SIPA1L2: variants seen among roughly 807,000 people sequenced by gnomAD.
SIPA1L2 encodes the protein signal-induced proliferation-associated 1-like protein 2.
Under a neutral mutation model 163.9 loss-of-function variants are expected in SIPA1L2, and 56 were observed. The ratio of observed to expected loss-of-function variants is 0.34; its 90% CI spans 0.28 to 0.43. SIPA1L2 has a LOEUF of 0.43. Among genes scored for constraint, SIPA1L2 ranks in the 20% least tolerant of loss-of-function variants. SIPA1L2 has a pLI of 1.00. For synonymous variants in SIPA1L2, 877 were observed against 865.7 expected, an observed-to-expected ratio of 1.01 and a Z score of -0.23; for missense variants, 1,974 against 2,193.5, an observed-to-expected ratio of 0.90 and a Z score of 2.00.
chr1:232,421,229 C>G (rs372851245), intron 18 of SIPA1L2, among the ~76,000 whole-genome samples: 15 of 152,222 alleles, frequency 9.9e-5, no homozygotes, highest in African/African-American at 3.6e-4. Context: ...GCATACGGAC[C>G]TAAGTCAGCC....
chr1:232,505,520 T>A (rs1666686579), intron 3 of SIPA1L2, among the ~76,000 whole-genome samples: 1 of 152,222 alleles, frequency 6.6e-6, no homozygotes, highest in Non-Finnish European at 1.5e-5. Context: ...GAAGACTTTT[T>A]GGGGCCAGAG....
chr1:232,415,411 G>T, intron 19 of SIPA1L2, 83 bp downstream of exon 19: 2 of 1,455,074 alleles, frequency 1.4e-6, no homozygotes, highest in South Asian at 1.5e-5. Flanking sequence ...GGAGACAGAC[G>T]GGCTCCCCTA....
chr1:232,464,991 T>C lies in SIPA1L2; in HGVS notation c.2669A>G (p.Asn890Ser), dbSNP rs989442725. The change falls in exon 9 of 23, where the codon AAT becomes AGT. Residue 890 changes from asparagine to serine, a missense_variant. Around this residue, in one of 3 missense-constraint regions of SIPA1L2, gnomAD observed 1,079 missense variants for 1,150.7 expected, o/e 0.94. Transcript: ENST00000674635. ...CCTGCAGGAACAGTTGAATACAACATTCTTGGAATCCTTTTCAATCAACAT... is the reference window on the plus strand; with the variant it reads ...CCTGCAGGAACAGTTGAATACAACACTCTTGGAATCCTTTTCAATCAACAT... Reference protein sequence around the residue: ...FIMLIEKDSKNVVFNCSCRDV... With the variant: ...FIMLIEKDSKSVVFNCSCRDV... 2 of 1,614,198 alleles carry C rather than the reference T, an allele frequency of 1.2e-6. No homozygotes were observed. Among genetic ancestry groups the C allele is most frequent in the Non-Finnish European group, 1.7e-6 (2 of 1,180,048 alleles).
Position 232,420,458 on chromosome 1 carries a change from C to T in SIPA1L2, c.4631-4833G>A, listed in dbSNP as rs770283461. Among the ~76,000 whole-genome samples, 120 of 152,172 alleles carry T rather than the reference C, an allele frequency of 7.9e-4. 1 individual carries two copies. Among genetic ancestry groups the T allele is most frequent in the Non-Finnish European group, 1.6e-3 (106 of 68,038 alleles). On this transcript the variant is annotated intron_variant, in intron 18 of 22. Coordinates refer to ENST00000674635, the MANE Select transcript of SIPA1L2 (RefSeq NM_020808.5). ...TTGTACGGTTTTATACGAAAGGCAT[C>T]ATTTGCCTCAGGTATCAAAGCCTGT... is the stretch of plus-strand genomic sequence containing the variant.
rs1440064651 is a variant in SIPA1L2, at chr1:232,398,164, A to G, written c.*963T>C. 6.6e-6 allele frequency: 1 copy of G among 152,592 alleles called. No individual in the cohort carries two copies. Among genetic ancestry groups the G allele is most frequent in the Non-Finnish European group, 1.5e-5 (1 of 68,038 alleles). The allele number at this position is 152,592 out of a possible 1,614,324, so 9.5% of individuals were successfully genotyped here. On this transcript the variant is annotated 3_prime_UTR_variant, in exon 23 of 23. Coordinates refer to ENST00000674635, the MANE Select transcript of SIPA1L2 (RefSeq NM_020808.5). ...GAGCCTGCAGCTACCTCCATCCCTC[A>G]TCGTAGTGCAGGCCAAACCAAATTT...
intron 13 of SIPA1L2, 136 bp downstream of exon 13, chr1:232,441,632 A>G: frequency 1.2e-6 from 1 of 804,600 alleles, no homozygotes. Flanking sequence ...CTGCATCTGG[A>G]GACCCAGCTG....
Position 232,439,145 on chromosome 1 carries a change from T to G in SIPA1L2, c.3994A>C (p.Ser1332Arg). 1 of 1,612,550 alleles carries G rather than the reference T, an allele frequency of 6.2e-7. No homozygotes were observed. Among genetic ancestry groups the G allele is most frequent in the Non-Finnish European group, 8.5e-7 (1 of 1,179,398 alleles). The change falls in exon 15 of 23, where the codon AGC becomes CGC. Residue 1332 changes from serine to arginine, a missense_variant. Around this residue, in one of 3 missense-constraint regions of SIPA1L2, gnomAD observed 1,079 missense variants for 1,150.7 expected, o/e 0.94. Coordinates refer to ENST00000674635, the MANE Select transcript of SIPA1L2 (RefSeq NM_020808.5). ...GATATCTCACTGAGATCGCCCATGCTGCCTTCCGCAGCACTGCCGGCGGAG... is the reference window on the plus strand; with the variant it reads ...GATATCTCACTGAGATCGCCCATGCGGCCTTCCGCAGCACTGCCGGCGGAG... The part of the protein sequence containing the change: ...TISAGSAAEG[S>R]MGDLSEISSH...
intron 2 of SIPA1L2, among the ~76,000 whole-genome samples, chr1:232,551,296 C>T (rs1658366022): frequency 6.6e-6 from 1 of 152,262 alleles, no homozygotes; most frequent in Admixed American, 6.5e-5. Flanking sequence ...TGACCCAGAA[C>T]CAGCTCTTTC....
At chr1:232,432,500 A>G in intron 15 of SIPA1L2, 29 bp from the exon 16 acceptor site, 1 of 1,595,844 alleles carries the variant, frequency 6.3e-7, no homozygotes, top group Non-Finnish European at 8.6e-7. Context: ...AAAAGCTGCA[A>G]TACAATCTGA....
intron 3 of SIPA1L2, among the ~76,000 whole-genome samples, chr1:232,509,954 C>T (rs1433081990): frequency 2.0e-5 from 3 of 152,186 alleles, no homozygotes; most frequent in Non-Finnish European, 2.9e-5. Context: ...ACAACAGCAC[C>T]TTCCACAGCA....
chr1:232,494,918 C>T (rs1666103505), intron 3 of SIPA1L2, among the ~76,000 whole-genome samples: 1 of 152,098 alleles, frequency 6.6e-6, no homozygotes, highest in Non-Finnish European at 1.5e-5. Context: ...TTTTTTTTCA[C>T]CCTGACTTAA....
intron 16 of SIPA1L2, among the ~76,000 whole-genome samples, 192 bp from the exon 17 acceptor site, chr1:232,428,756 A>G (rs1181115339): frequency 2.6e-5 from 4 of 152,154 alleles, no homozygotes; most frequent in African/African-American, 9.7e-5. Flanking sequence ...GAGCTCAACT[A>G]CAAAGTTAGA....
At chr1:232,457,901 A>T (rs183585153) in intron 10 of SIPA1L2, among the ~76,000 whole-genome samples, 1 of 152,364 alleles carries the variant, frequency 6.6e-6, no homozygotes, top group Non-Finnish European at 1.5e-5. Context: ...AAATACTTTT[A>T]TCAGGGCACC....
At chr1:232,427,828 C>G (rs1661990284) in intron 17 of SIPA1L2, among the ~76,000 whole-genome samples, 1 of 152,284 alleles carries the variant, frequency 6.6e-6, no homozygotes, top group South Asian at 2.1e-4. Context: ...TGGCAGTGTG[C>G]AAGTTCCAAC....
intron 3 of SIPA1L2, among the ~76,000 whole-genome samples, chr1:232,503,802 C>T (rs1666594021): frequency 1.3e-5 from 2 of 152,236 alleles, no homozygotes; most frequent in Admixed American, 6.5e-5. Context: ...TCTTCTTTCA[C>T]CTTTCTCTCC....
At chr1:232,401,416 G>A (rs1292371911) in intron 22 of SIPA1L2, among the ~76,000 whole-genome samples, 1 of 152,082 alleles carries the variant, frequency 6.6e-6, no homozygotes, top group African/African-American at 2.4e-5. Context: ...CCTAAACCCG[G>A]TTGGTTTACA....
chr1:232,482,237 T>C (rs1255939458), intron 6 of SIPA1L2, among the ~76,000 whole-genome samples: 1 of 152,184 alleles, frequency 6.6e-6, no homozygotes, highest in Non-Finnish European at 1.5e-5. Flanking sequence ...AGGAAAATAC[T>C]TGGATTATCT....
Position 232,552,851 on chromosome 1 carries a change from G to A in SIPA1L2, c.-270+21323C>T, listed in dbSNP as rs890659862. On this transcript the variant is annotated intron_variant, in intron 2 of 22. Transcript: ENST00000674635. ...TGACCCCCTTCACTGAATGTACAAC[G>A]GGGGGTGGCACCCCTTATGGAGGGG... Among the ~76,000 whole-genome samples, 9 of 152,156 alleles carry A rather than the reference G, an allele frequency of 5.9e-5. 1 individual carries two copies. Among genetic ancestry groups the A allele is most frequent in the African/African-American group, 1.2e-4 (5 of 41,440 alleles).
chr1:232,577,481 G>A (rs1660142809), intron 1 of SIPA1L2, among the ~76,000 whole-genome samples: 1 of 152,142 alleles, frequency 6.6e-6, no homozygotes, highest in Non-Finnish European at 1.5e-5. Flanking sequence ...TATTTAAGAG[G>A]TAATTTTCAT....
Sources: allele counts gnomAD v4.1 joint callset (sites outside exome capture counted in the v4.1 genomes callset), GRCh38; gene constraint gnomAD v4.1.1; regional missense constraint gnomAD v4.1.1; transcripts MANE v1.5; gene names NCBI Gene and HGNC (gene_info 2026-07-23, HGNC 2026-07-21).